Variants in MIA2 observed in about 807,000 individuals in gnomAD.
MIA2 encodes the protein MIA SH3 domain ER export factor 2.
In MIA2, 127 loss-of-function variants were observed where a neutral mutation model predicts 167.8. The observed-to-expected ratio is 0.76, with a 90% CI of 0.66 to 0.88. The LOEUF is 0.88. MIA2 is among the 40% of genes least tolerant of loss of function. The pLI, the probability that MIA2 is intolerant of heterozygous loss-of-function variation, is 0.00. For synonymous variants in MIA2, 552 were observed against 541.9 expected (o/e 1.02, Z -0.26); for missense variants, 1,690 against 1,624.7 (o/e 1.04, Z -0.69).
intron 9 of MIA2, among the ~76,000 whole-genome samples, chr14:39,288,661 C>T (rs865994825): frequency 3.5e-4 from 52 of 150,460 alleles, no homozygotes; most frequent in African/African-American, 1.1e-3. Context: ...CAGGGTTTCA[C>T]CATGTTGGCT....
chr14:39,253,425 T>C, intron 6 of MIA2: 1 of 507,366 alleles, frequency 2.0e-6, no homozygotes, highest in Non-Finnish European at 3.4e-6. Flanking sequence ...ACCCTCCCCA[T>C]TTTTCAAATT....
chr14:39,357,036 C>T (rs891187778), intron 23 of MIA2, among the ~76,000 whole-genome samples: 7 of 152,150 alleles, frequency 4.6e-5, no homozygotes, highest in East Asian at 3.9e-4. Context: ...CTGTTGAATT[C>T]GGGTGGAGAG....
At chr14:39,315,782 GTTTAT>G in intron 21 of MIA2, 64 bp downstream of exon 21, 1 of 1,096,884 alleles carries the variant, frequency 9.1e-7, no homozygotes, top group Non-Finnish European at 1.3e-6. Flanking sequence ...AAGATACGTT[GTTTAT>G]TTAAATTAGA....
At chr14:39,384,603 T>C (rs921995499) in intron 23 of MIA2, among the ~76,000 whole-genome samples, 1 of 152,166 alleles carries the variant, frequency 6.6e-6, no homozygotes, top group South Asian at 2.1e-4. Flanking sequence ...TCACAGTATA[T>C]ATTTGGCCAT....
chr14:39,378,302 C>CT (rs2075083856), intron 23 of MIA2, among the ~76,000 whole-genome samples: 1 of 152,184 alleles, frequency 6.6e-6, no homozygotes, highest in Admixed American at 6.5e-5. Context: ...TTCCAGTCTG[C>CT]TACTAGTTCA....
chr14:39,335,047 C>T (rs1216541075), intron 25 of MIA2, among the ~76,000 whole-genome samples: 3 of 152,020 alleles, frequency 2.0e-5, no homozygotes, highest in Non-Finnish European at 4.4e-5. Flanking sequence ...GCCAGGAGTT[C>T]TGGAGCAAGC....
intron 26 of MIA2, 37 bp from the exon 27 acceptor site, chr14:39,347,676 A>T (rs1386226933): frequency 1.2e-6 from 2 of 1,601,820 alleles, no homozygotes; most frequent in Admixed American, 3.4e-5. Context: ...TAAAGTGATA[A>T]ATCATGTACT....
chr14:39,245,065 G>A (rs572052943), intron 3 of MIA2, among the ~76,000 whole-genome samples: 4 of 119,460 alleles, frequency 3.3e-5, no homozygotes, highest in African/African-American at 1.3e-4. Context: ...GGCATGGGCC[G>A]CCGCACCTAG....
chr14:39,309,874 A>G (rs1212115082), intron 18 of MIA2, among the ~76,000 whole-genome samples: 2 of 152,014 alleles, frequency 1.3e-5, no homozygotes, highest in Non-Finnish European at 2.9e-5. Context: ...TGTTGCCTAA[A>G]TGCCTAAGTA....
intron 6 of MIA2, chr14:39,267,415 A>G: frequency 6.2e-7 from 1 of 1,608,758 alleles, no homozygotes; most frequent in Non-Finnish European, 8.5e-7. Flanking sequence ...TGTGGCCCCG[A>G]CAGGCCGGGG....
Position 39,313,364 on chromosome 14 carries a change from T to C in MIA2, c.3042T>C (p.Tyr1014=). 2.5e-6 allele frequency: 4 copies of C among 1,597,026 alleles called. No individual in the cohort carries two copies. Among genetic ancestry groups the C allele is most frequent in the Non-Finnish European group, 3.4e-6 (4 of 1,171,450 alleles). ...GGAAATTAACAGTAGAGGAAAATTATCGGTTAGAGAAAGAAGAGAAACTTT... is the reference window on the plus strand; with the variant it reads ...GGAAATTAACAGTAGAGGAAAATTACCGGTTAGAGAAAGAAGAGAAACTTT... ...LHRKLTVEEN[Y]RLEKEEKLSK... The change falls in exon 19 of 29, where the codon TAT becomes TAC. Residue 1014 remains tyrosine, a synonymous_variant. Transcript: ENST00000640607.
At chr14:39,367,860 A>G (rs538751444) in intron 23 of MIA2, among the ~76,000 whole-genome samples, 5 of 151,920 alleles carry the variant, frequency 3.3e-5, no homozygotes, top group South Asian at 2.1e-4. Flanking sequence ...TCTGTGGTTG[A>G]TTGATTCTGT....
intron 9 of MIA2, among the ~76,000 whole-genome samples, chr14:39,279,860 T>C (rs1396866029): frequency 6.6e-5 from 10 of 152,202 alleles, no homozygotes; most frequent in Non-Finnish European, 1.5e-4. Flanking sequence ...ACCAGTCAGA[T>C]TGGATTAGGG....
intron 23 of MIA2, among the ~76,000 whole-genome samples, chr14:39,368,601 A>T (rs2074870849): frequency 6.9e-6 from 1 of 145,626 alleles, no homozygotes; most frequent in African/African-American, 2.5e-5. Context: ...AATTCTGGGA[A>T]TTTTTTTTTT....
At chr14:39,366,000 G>A (rs1201667053) in intron 23 of MIA2, among the ~76,000 whole-genome samples, 1 of 152,120 alleles carries the variant, frequency 6.6e-6, no homozygotes, top group African/African-American at 2.4e-5. Flanking sequence ...TCCTAAAAGT[G>A]TGCCTGTGTT....
rs185133927 is a variant in MIA2 at position 39,261,019 on chromosome 14, T to C, written c.1887+7848T>C. ...TTTTTTTAAATTATACTTTAAGTTC[T>C]GGGGTACATGTGCACAACATGCAGG... On this transcript the variant is annotated intron_variant, in intron 6 of 28. Coordinates refer to ENST00000640607, the MANE Select transcript of MIA2 (RefSeq NM_001329214.4). Among the ~76,000 whole-genome samples, 56 of 152,256 alleles carry C rather than the reference T, an allele frequency of 3.7e-4. 1 individual carries two copies. The East Asian group carries it at 0.01, about 27-fold the overall frequency.
At chr14:39,255,007 GA>G (rs2152642498) in intron 6 of MIA2, among the ~76,000 whole-genome samples, 1 of 152,298 alleles carries the variant, frequency 6.6e-6, no homozygotes, top group South Asian at 2.1e-4. Flanking sequence ...TAGCTTGGGG[GA>G]CCTGTTAGAT....
In MIA2 at chr14:39,378,931, G is replaced by A. The variant is rs1388111753; in HGVS notation, c.2249-7954G>A. Among the ~76,000 whole-genome samples the A allele has an allele frequency of 2.0e-5, 3 of 152,140 alleles. No homozygotes were observed. In the East Asian group the frequency reaches 5.8e-4, roughly 29 times the overall value. ...AGGATCACAGGTCATTGTAAAATAA[G>A]TCATTCATTTAGCCAAAGTGATAAG... On this transcript the variant is annotated intron_variant, in intron 23 of 23. Transcript: ENST00000341502.
Position 39,252,901 on chromosome 14 carries a change from T to C in MIA2, c.1721T>C (p.Leu574Pro). 1 of 1,613,934 alleles carries C rather than the reference T, an allele frequency of 6.2e-7. No homozygotes were observed. The highest frequency in any genetic ancestry group is 8.5e-7 in the Non-Finnish European group (1 of 1,179,918). ...ATAGACAGATCTGTGGAAAATACCC[T>C]GCTAAATAGTCAGATGGTTTCAACT... ...VEIDRSVENT[L>P]LNSQMVSTDN... is the part of the protein sequence containing the mutation. The change falls in exon 5 of 29, where the codon CTG becomes CCG. Residue 574 changes from leucine (L) to proline (P), a missense_variant. By Grantham distance (98) the Leu-to-Pro change is moderately conservative. Coordinates refer to ENST00000640607, the MANE Select transcript of MIA2 (RefSeq NM_001329214.4).
Sources: gnomAD v4.1 joint callset for allele counts (sites outside exome capture counted in the v4.1 genomes callset) on GRCh38, gnomAD v4.1.1 for gene constraint, MANE v1.5 for transcripts, NCBI Gene and HGNC (gene_info 2026-07-23, HGNC 2026-07-21) for gene names.